The following POGK variants were observed in gnomAD, a reference collection of about 807,000 sequenced individuals.
The protein encoded by POGK is pogo transposable element with KRAB domain.
Under a neutral mutation model 54.4 loss-of-function variants are expected in POGK, and 16 were observed. That is an observed-to-expected ratio of 0.29 (90% CI 0.20 to 0.45). The LOEUF is 0.45. Among genes scored for constraint, POGK ranks in the 20% least tolerant of loss-of-function variants. POGK has a pLI of 1.00. For missense variants in POGK, 515 were observed against 795.6 expected, an observed-to-expected ratio of 0.65 and a Z score of 4.24; for synonymous variants, 271 against 302.2, an observed-to-expected ratio of 0.90 and a Z score of 1.07.
chr1:166,843,323 G>C (rs1217943631), intron 2 of POGK, among the ~76,000 whole-genome samples: 1 of 152,238 alleles, frequency 6.6e-6, no homozygotes, highest in African/African-American at 2.4e-5. Context: ...AGGACATGCA[G>C]TGCTACGCCA....
chr1:166,847,620 C>T, intron 4 of POGK, 28 bp downstream of exon 4: 1 of 1,555,418 alleles, frequency 6.4e-7, no homozygotes, highest in Non-Finnish European at 8.9e-7. Flanking sequence ...GTTCAGCGTC[C>T]ATCCAGCTGG....
chr1:166,839,784 G>A (rs1469603536), intron 1 of POGK, 180 bp downstream of exon 1: 2 of 149,350 alleles, frequency 1.3e-5, no homozygotes, highest in African/African-American at 2.4e-5. Flanking sequence ...GCTGGGGCCG[G>A]GAGGGGGCCA....
rs184294218 is a variant in POGK, at chr1:166,854,691, C to G, written c.*2121C>G. 1.1e-4 allele frequency: 17 copies of G among 152,286 alleles called. No individual in the cohort carries two copies. The highest frequency in any genetic ancestry group is 3.4e-3 in the Middle Eastern group (1 of 294). 9.4% of individuals were successfully genotyped at this position (152,286 alleles called of 1,614,324 possible). ...GTTTGACATAAATAGCTTTTTTCCT[C>G]AGTCATGTTTTGTATGCTCTCAGCA... is the stretch of plus-strand genomic sequence containing the variant. On this transcript the variant is annotated 3_prime_UTR_variant, in exon 6 of 6. Coordinates refer to ENST00000367876, the MANE Select transcript of POGK (RefSeq NM_017542.5).
Position 166,849,597 on chromosome 1 carries a change from G to T in POGK, c.1018G>T (p.Val340Phe), listed in dbSNP as rs148246779. 2.2e-5 allele frequency: 36 copies of T among 1,614,154 alleles called. No homozygotes were observed. Among genetic ancestry groups the T allele is most frequent in the Non-Finnish European group, 3.1e-5 (36 of 1,180,064 alleles). Residue 340 changes from valine to phenylalanine, a missense_variant, in exon 5 of 6, where the codon GTC becomes TTC. By Grantham distance (50) the Val-to-Phe change is conservative (BLOSUM62 -1). Around this residue, in one of 2 missense-constraint regions of POGK, gnomAD observed 461 missense variants for 743.5 expected, o/e 0.62. Coordinates refer to ENST00000367876, the MANE Select transcript of POGK (RefSeq NM_017542.5). Reference protein sequence around the residue: ...HLPEDLTEKLVTYQRSVLALR... With the variant: ...HLPEDLTEKLFTYQRSVLALR... Reference sequence around the variant, plus strand: ...GCCGGAAGACCTGACTGAGAAACTCGTCACTTACCAGCGCAGTGTCCTGGC... The same window carrying T: ...GCCGGAAGACCTGACTGAGAAACTCTTCACTTACCAGCGCAGTGTCCTGGC...
chr1:166,850,123 A>G lies in POGK; in HGVS notation c.1544A>G (p.Asn515Ser). Reference protein sequence around the residue: ...VLDVVVYKPLNDSVRAQYSNW... With the variant: ...VLDVVVYKPLSDSVRAQYSNW... Reference sequence around the variant, plus strand: ...GATGTCGTGGTCTACAAGCCACTGAATGACAGTGTGCGGGCCCAGTACTCC... The same window carrying G: ...GATGTCGTGGTCTACAAGCCACTGAGTGACAGTGTGCGGGCCCAGTACTCC... Residue 515 changes from asparagine to serine, a missense_variant, in exon 5 of 6, where the codon AAT (asparagine) becomes AGT (serine). Asn to Ser is a conservative substitution (Grantham distance 46). This residue lies in a region of POGK where 461 missense variants were observed against 743.5 expected (regional missense o/e 0.62). Transcript: ENST00000367876. The G allele has an allele frequency of 1.3e-6, 2 of 1,598,790 alleles. No homozygotes were observed. The highest frequency in any genetic ancestry group is 2.3e-5 in the East Asian group (1 of 44,340).
chr1:166,852,218 C>CT (rs1393975748), intron 5 of POGK: 2 of 152,192 alleles, frequency 1.3e-5, no homozygotes, highest in African/African-American at 4.8e-5. Flanking sequence ...GCTTTTCCCT[C>CT]TCCTTGTTAG....
At position 166,850,413 on chromosome 1, in the gene POGK, G is replaced by C. The variant is rs776312397; in HGVS notation, c.*4G>C. ...AAGCATGGCTGAGAGCAACTGAAGG[G>C]AAAGGGAAAGGTAACCACTCAGGAG... On this transcript the variant is annotated 3_prime_UTR_variant, in exon 5 of 6. Coordinates refer to ENST00000367876, the MANE Select transcript of POGK (RefSeq NM_017542.5). The C allele has an allele frequency of 9.4e-6, 15 of 1,597,024 alleles. No individual in the cohort carries two copies. The South Asian group carries it at 1.5e-4, about 16-fold the overall frequency.
At position 166,850,384 on chromosome 1, in the gene POGK, C is replaced by T. The variant is rs778739262; in HGVS notation, c.1805C>T (p.Thr602Ile). The T allele has an allele frequency of 8.7e-6, 14 of 1,611,096 alleles. No individual in the cohort carries two copies. In the African/African-American group the frequency reaches 1.1e-4, roughly 12 times the overall value. ...GGAGAACCACCAAAAGATTGTGACA[C>T]CGAAAGCATGGCTGAGAGCAACTGA... ...GGGEPPKDCD[T>I]ESMAESN The change falls in exon 5 of 6, where the codon ACC becomes ATC. Residue 602 changes from threonine (T) to isoleucine (I), a missense_variant. Around this residue, in one of 2 missense-constraint regions of POGK, gnomAD observed 461 missense variants for 743.5 expected, o/e 0.62. Coordinates refer to ENST00000367876, the MANE Select transcript of POGK (RefSeq NM_017542.5).
rs1337932125 is a variant in POGK at position 166,853,447 on chromosome 1, T to C, written c.*877T>C. 1 of 152,676 alleles carries C rather than the reference T, an allele frequency of 6.5e-6. No homozygotes were observed. Among genetic ancestry groups the C allele is most frequent in the Admixed American group, 6.5e-5 (1 of 15,288 alleles). 9.5% of individuals were successfully genotyped at this position (152,676 alleles called of 1,614,324 possible). ...ATGGTACAAGGCCCATTGACTCATC[T>C]GATGCTTGTTTTGTTAATTTCTTTA... On this transcript the variant is annotated 3_prime_UTR_variant, in exon 6 of 6. Transcript: ENST00000367876.
intron 5 of POGK, chr1:166,850,636 C>G (rs1658024193): frequency 4.0e-6 from 2 of 501,366 alleles, no homozygotes; most frequent in Admixed American, 7.4e-5. Flanking sequence ...GGCAGGTGAG[C>G]AAGCATTACC....
At chr1:166,840,830 C>T in intron 1 of POGK, 125 bp from the exon 2 acceptor site, 1 of 1,228,078 alleles carries the variant, frequency 8.1e-7, no homozygotes, top group Non-Finnish European at 1.1e-6. Context: ...TGTTTCCTTA[C>T]TTCCCTCCAG....
intron 2 of POGK, among the ~76,000 whole-genome samples, chr1:166,842,303 G>C (rs1466032649): frequency 3.3e-5 from 5 of 152,206 alleles, no homozygotes; most frequent in African/African-American, 1.2e-4. Context: ...CCATGCTTAG[G>C]TGGGAAAAGA....
chr1:166,855,598 T>C lies in POGK; in HGVS notation c.*3028T>C, dbSNP rs561305024. 6.6e-6 allele frequency: 1 copy of C among 152,400 alleles called. No homozygotes were observed. The highest frequency in any genetic ancestry group is 1.5e-5 in the Non-Finnish European group (1 of 68,098). The allele number at this position is 152,400 out of a possible 1,614,324, so 9.4% of individuals were successfully genotyped here. A position where few individuals can be genotyped will look rare whatever the true frequency, so the allele number is the denominator to read the frequency against. ...GGCATGGAGAGCAGATAGTAGAGTG[T>C]AGACCTGAAATACATGAGGCAAAGG... On this transcript the variant is annotated 3_prime_UTR_variant, in exon 6 of 6. Transcript: ENST00000367876.
At position 166,853,489 on chromosome 1, in the gene POGK, G is replaced by A. The variant is rs573227302; in HGVS notation, c.*919G>A. The A allele has an allele frequency of 2.6e-5, 4 of 152,698 alleles. No individual in the cohort carries two copies. The East Asian group carries it at 7.7e-4, about 29-fold the overall frequency. 9.5% of individuals were successfully genotyped at this position (152,698 alleles called of 1,614,324 possible). A position where few individuals can be genotyped will look rare whatever the true frequency, so the allele number is the denominator to read the frequency against. On this transcript the variant is annotated 3_prime_UTR_variant, in exon 6 of 6. Coordinates refer to ENST00000367876, the MANE Select transcript of POGK (RefSeq NM_017542.5). ...ATTTCTTTAATATTTTTATCACGGG[G>A]CAGTGGGAGGGCTTGGGCTTTTAGC... is the stretch of plus-strand genomic sequence containing the variant.
rs1365028855 is a variant in POGK at position 166,856,108 on chromosome 1, CTGCT to C, written c.*3541_*3544del. 1 of 151,854 alleles carries C rather than the reference CTGCT, an allele frequency of 6.6e-6. No homozygotes were observed. The highest frequency in any genetic ancestry group is 1.5e-5 in the Non-Finnish European group (1 of 67,992). The allele number at this position is 151,854 out of a possible 1,614,324, so 9.4% of individuals were successfully genotyped here. A position where few individuals can be genotyped will look rare whatever the true frequency, so the allele number is the denominator to read the frequency against. ...ACTCTGGGAGGCCAAGGTGGGCAGA[CTGCT>C]TGAGCTCAGGAGTTCATTACCAGTC... On this transcript the variant is annotated 3_prime_UTR_variant, in exon 6 of 6. Transcript: ENST00000367876.
Position 166,850,402 on chromosome 1 carries a change from G to T in POGK, c.1823G>T (p.Ser608Ile). The T allele has an allele frequency of 6.2e-7, 1 of 1,604,888 alleles. No individual in the cohort carries two copies. ...TGTGACACCGAAAGCATGGCTGAGAGCAACTGAAGGGAAAGGGAAAGGTAA... is the reference window on the plus strand; with the variant it reads ...TGTGACACCGAAAGCATGGCTGAGATCAACTGAAGGGAAAGGGAAAGGTAA... ...KDCDTESMAE[S>I]N Residue 608 changes from serine to isoleucine, a missense_variant, in exon 5 of 6, where the codon AGC becomes ATC. By Grantham distance (142) the Ser-to-Ile change is moderately radical. Around this residue, in one of 2 missense-constraint regions of POGK, gnomAD observed 461 missense variants for 743.5 expected, o/e 0.62. Coordinates refer to ENST00000367876, the MANE Select transcript of POGK (RefSeq NM_017542.5).
chr1:166,846,710 G>GATGACTT lies in POGK; in HGVS notation c.235_236insCTTATGA (p.Asn79ThrfsTer5), dbSNP rs1657863941. ...AGGCCCTCTACCGGGAAGTCATGAGGATGAATTATGAAACTGTCCTGTCCC... is the reference window on the plus strand; with the variant it reads ...AGGCCCTCTACCGGGAAGTCATGAGGATGACTTATGAATTATGAAACTGTCCTGTCCC... On this transcript the variant is annotated frameshift_variant, in exon 3 of 6. Coordinates refer to ENST00000367876, the MANE Select transcript of POGK (RefSeq NM_017542.5). LOFTEE classifies it high-confidence loss of function. 6.2e-7 allele frequency: 1 copy of GATGACTT among 1,614,052 alleles called. No individual in the cohort carries two copies. The highest frequency in any genetic ancestry group is 8.5e-7 in the Non-Finnish European group (1 of 1,180,042).
chr1:166,847,469 T>TA (rs774802385), intron 3 of POGK, 25 bp from the exon 4 acceptor site: 104 of 1,577,418 alleles, frequency 6.6e-5, no homozygotes, highest in Admixed American at 1.2e-4. Flanking sequence ...ACACAGCTGT[T>TA]ACCTATTTTA....
At chr1:166,847,148 T>C (rs1657881553) in intron 3 of POGK, among the ~76,000 whole-genome samples, 1 of 152,160 alleles carries the variant, frequency 6.6e-6, no homozygotes, top group South Asian at 2.1e-4. Flanking sequence ...CAAATTGATA[T>C]CACACATCTT....
Sources: gnomAD v4.1 joint callset for allele counts (sites outside exome capture counted in the v4.1 genomes callset) on GRCh38, gnomAD v4.1.1 for gene constraint, gnomAD v4.1.1 regional missense constraint, MANE v1.5 for transcripts, NCBI Gene and HGNC (gene_info 2026-07-23, HGNC 2026-07-21) for gene names.